The following GSDME variants were observed in gnomAD, a reference collection of about 807,000 sequenced individuals.
GSDME encodes gasdermin E.
Under a neutral mutation model 47.5 loss-of-function variants are expected in GSDME, and 44 were observed. The observed-to-expected ratio is 0.93, with a 90% confidence interval of 0.73 to 1.19. The LOEUF (loss-of-function observed/expected upper bound fraction) is 1.19, where lower values mean the gene tolerates loss of function less well. Ranked by LOEUF, GSDME falls within the 50% of genes most tolerant of loss-of-function variation. GSDME has a pLI of 0.00. For missense variants in GSDME, 663 were observed against 604.2 expected, an observed-to-expected ratio of 1.10 and a Z score of -1.02; for synonymous variants, 258 against 252.8, an observed-to-expected ratio of 1.02 and a Z score of -0.20.
chr7:24,749,700 C>A lies in GSDME; in HGVS notation c.75G>T (p.Leu25=), dbSNP rs767060533. 2.9e-5 allele frequency: 47 copies of A among 1,613,958 alleles called. No homozygotes were observed. Among genetic ancestry groups the A allele is most frequent in the Non-Finnish European group, 4.2e-6 (5 of 1,179,966 alleles). The change falls in exon 2 of 10, where the codon CTG becomes CTT. Residue 25 remains leucine (L), a synonymous_variant. Coordinates refer to ENST00000645220, the MANE Select transcript of GSDME (RefSeq NM_001127453.2). The stretch of plus-strand genomic sequence containing the variant: ...GAAGCTGTAACTTATCAGAGTCATT[C>A]AGATTTGATACTGCAATCAGGTCAC... The part of the protein sequence containing the change: ...ADGDLIAVSN[L]NDSDKLQLLS...
intron 3 of GSDME, among the ~76,000 whole-genome samples, chr7:24,743,439 C>T (rs1206578009): frequency 6.6e-6 from 1 of 152,172 alleles, no homozygotes. Context: ...ATATCATCCC[C>T]GCTGAATTAC....
At chr7:24,731,075 T>C (rs2237321) in intron 3 of GSDME, among the ~76,000 whole-genome samples, 27,678 of 152,152 alleles carry the variant, frequency 0.18, 2,545 homozygotes, top group African/African-American at 0.2. Context: ...GAATTTAGTG[T>C]GGCCTGGGGG....
In GSDME at chr7:24,745,913, G is replaced by T. The variant is rs933308246; in HGVS notation, c.212-1159C>A. Among the ~76,000 whole-genome samples the T allele has an allele frequency of 2.0e-5, 3 of 152,082 alleles. No individual in the cohort carries two copies. The highest frequency in any genetic ancestry group is 4.4e-5 in the Non-Finnish European group (3 of 68,016). ...GTCTCTATCATCACCATTTGGTAAG[G>T]AGACATTAAGAGTCCACTAGGAACC... On this transcript the variant is annotated intron_variant, in intron 2 of 9. Transcript: ENST00000645220. This position sits in a 1 kb window ranked among gnomAD's most constrained non-coding sequence, Gnocchi z 4.4.
intron 3 of GSDME, among the ~76,000 whole-genome samples, chr7:24,730,370 T>C (rs1222007995): frequency 1.3e-5 from 2 of 152,244 alleles, no homozygotes; most frequent in African/African-American, 4.8e-5. Context: ...TTCTCAATGG[T>C]ACATAGAATA....
At chr7:24,767,139 C>T in the GSDME span, among the ~76,000 whole-genome samples, 8 of 152,264 alleles carry the variant, frequency 5.3e-5, no homozygotes, top group African/African-American at 1.2e-4. The surrounding 1 kb of genome is among the most constrained non-coding windows in gnomAD (Gnocchi z 5.3). Flanking sequence ...GCCTGACCAA[C>T]GTTGTGAAAC....
chr7:24,713,814 G>A (rs954941045), intron 5 of GSDME, among the ~76,000 whole-genome samples: 11 of 152,352 alleles, frequency 7.2e-5, no homozygotes, highest in East Asian at 1.9e-4. Context: ...AGCCAGTTAC[G>A]AGTCTGTGGC....
At position 24,699,140 on chromosome 7, in the gene GSDME, C is replaced by T. The variant is rs1788756381; in HGVS notation, c.1377G>A (p.Leu459=). The change falls in exon 10 of 10, where the codon CTG becomes CTA. Residue 459 remains leucine, a synonymous_variant. Coordinates refer to ENST00000645220, the MANE Select transcript of GSDME (RefSeq NM_001127453.2). ...QRLFASADIS[L]ERLKSSVKAV... is the part of the protein sequence containing the mutation. ...CTTTCACAGATGACTTCAGTCTCTC[C>T]AGACTAATGTCAGCTGAGGCAAACA... 6 of 1,613,806 alleles carry T rather than the reference C, an allele frequency of 3.7e-6. No homozygotes were observed. The highest frequency in any genetic ancestry group is 5.1e-6 in the Non-Finnish European group (6 of 1,179,830).
chr7:24,729,289 A>C (rs1386389931), intron 3 of GSDME, among the ~76,000 whole-genome samples: 1 of 152,254 alleles, frequency 6.6e-6, no homozygotes, highest in Admixed American at 6.5e-5. Context: ...TGTTTAGTGA[A>C]CTTGGTTTTA....
chr7:24,718,998 T>A, intron 4 of GSDME, 49 bp downstream of exon 4: 1 of 1,605,988 alleles, frequency 6.2e-7, no homozygotes, highest in Non-Finnish European at 8.5e-7. Flanking sequence ...CCAACCAAGG[T>A]CTCCAGGACT....
Position 24,733,831 on chromosome 7 carries a change from C to T in GSDME, c.404+10731G>A, listed in dbSNP as rs1376039990. ...TGACTCCTGGACAGCATCTCTGGAC[C>T]CACCTGGGGCCCCAGGGAAATCACC... On this transcript the variant is annotated intron_variant, in intron 3 of 9. Transcript: ENST00000645220. The surrounding 1 kb of genome is among the most constrained non-coding windows in gnomAD (Gnocchi z 4.3). Among the ~76,000 whole-genome samples the T allele has an allele frequency of 6.6e-6, 1 of 152,202 alleles. No homozygotes were observed. The highest frequency in any genetic ancestry group is 1.5e-5 in the Non-Finnish European group (1 of 68,038).
At chr7:24,789,151 G>C in the GSDME span, among the ~76,000 whole-genome samples, 1 of 152,078 alleles carries the variant, frequency 6.6e-6, no homozygotes, top group Non-Finnish European at 1.5e-5. Context: ...GAGTGCTAAG[G>C]GTGTTTCTGG....
chr7:24,706,455 C>T, intron 7 of GSDME, 79 bp from the exon 8 acceptor site: 4 of 1,420,494 alleles, frequency 2.8e-6, no homozygotes, highest in Non-Finnish European at 3.9e-6. Context: ...TCACAGTACA[C>T]ACAAGCCCCA....
At chr7:24,748,331 T>C (rs1329787994) in intron 2 of GSDME, among the ~76,000 whole-genome samples, 1 of 151,768 alleles carries the variant, frequency 6.6e-6, no homozygotes, top group Non-Finnish European at 1.5e-5. Flanking sequence ...GGCTAATTTT[T>C]ATATTTTTAG....
At chr7:24,794,484 C>G in the GSDME span, among the ~76,000 whole-genome samples, 1 of 152,136 alleles carries the variant, frequency 6.6e-6, no homozygotes, top group Non-Finnish European at 1.5e-5. Context: ...TCTTAACCAC[C>G]GTGGGGGGTC....
intron 3 of GSDME, among the ~76,000 whole-genome samples, chr7:24,737,366 A>C (rs1163327216): frequency 1.3e-5 from 2 of 152,076 alleles, no homozygotes; most frequent in Non-Finnish European, 2.9e-5. Flanking sequence ...ACTATGAGTA[A>C]CTATACACCA....
In GSDME at chr7:24,725,243, C is replaced by T. The variant is rs935780857; in HGVS notation, c.405-6025G>A. 2.0e-5 allele frequency among the ~76,000 whole-genome samples: 3 copies of T among 152,188 alleles called. No individual in the cohort carries two copies. Among genetic ancestry groups the T allele is most frequent in the East Asian group, 1.9e-4 (1 of 5,206 alleles). ...AACTGAGAATTTGCTATGAGGGTTACGTTCAGTGAGATCTTGCATTAAATG... is the reference window on the plus strand; with the variant it reads ...AACTGAGAATTTGCTATGAGGGTTATGTTCAGTGAGATCTTGCATTAAATG... On this transcript the variant is annotated intron_variant, in intron 3 of 9. Coordinates refer to ENST00000645220, the MANE Select transcript of GSDME (RefSeq NM_001127453.2). The surrounding 1 kb of genome is among the most constrained non-coding windows in gnomAD (Gnocchi z 5.1).
chr7:24,719,448 G>T (rs1475286850), intron 3 of GSDME, among the ~76,000 whole-genome samples: 1 of 152,174 alleles, frequency 6.6e-6, no homozygotes, highest in Non-Finnish European at 1.5e-5. Context: ...ATGCCAGAGG[G>T]AAGGGGGCTT....
Position 24,702,835 on chromosome 7 carries a change from T to C in GSDME, c.1184-2A>G. On this transcript the variant is annotated splice_acceptor_variant, in intron 8 of 9. Coordinates refer to ENST00000645220, the MANE Select transcript of GSDME (RefSeq NM_001127453.2). LOFTEE classifies it high-confidence loss of function. ...GAGCTGCTGCGCTATCTGGCATTTC[T>C]GCAGGAGAGAAAAATCACAGTCACA... 1.2e-6 allele frequency: 2 copies of C among 1,612,620 alleles called. No individual in the cohort carries two copies. The highest frequency in any genetic ancestry group is 1.1e-5 in the South Asian group (1 of 90,982).
rs1304758861 is a variant in GSDME, at chr7:24,703,238, T to C, written c.1184-405A>G. 2.4e-5 allele frequency: 8 copies of C among 336,936 alleles called. No homozygotes were observed. In the Admixed American group the frequency reaches 3.3e-4, roughly 14 times the overall value. 20.9% of individuals were successfully genotyped at this position (336,936 alleles called of 1,614,324 possible). A position where few individuals can be genotyped will look rare whatever the true frequency, so the allele number is the denominator to read the frequency against. On this transcript the variant is annotated intron_variant, in intron 8 of 9. Transcript: ENST00000645220. ...CCTCTCTCAGCCTCAGTTTCCTCATTTACCATAGTTGTTTTGTTTTTGCAT... is the reference window on the plus strand; with the variant it reads ...CCTCTCTCAGCCTCAGTTTCCTCATCTACCATAGTTGTTTTGTTTTTGCAT...
Sources: allele counts gnomAD v4.1 joint callset (sites outside exome capture counted in the v4.1 genomes callset), GRCh38; gene constraint gnomAD v4.1.1; non-coding constraint Gnocchi (gnomAD v3.1); transcripts MANE v1.5; gene names NCBI Gene and HGNC (gene_info 2026-07-23, HGNC 2026-07-21).